ADAM22: variants seen among roughly 807,000 people sequenced by gnomAD.
The protein encoded by ADAM22 is disintegrin and metalloproteinase domain-containing protein 22.
In ADAM22, 65 loss-of-function variants were observed where a neutral mutation model predicts 144.6. That is an observed-to-expected ratio of 0.45 (90% CI 0.37 to 0.55). The LOEUF is 0.55. Ranked by LOEUF, ADAM22 falls within the 20% of genes least tolerant of loss-of-function variation. The pLI is 0.00. For synonymous variants in ADAM22, 391 were observed against 412.6 expected (o/e 0.95, Z 0.63); for missense variants, 974 against 1,184.9 (o/e 0.82, Z 2.61).
chr7:88,027,459 G>T (rs1209164713), intron 3 of ADAM22, among the ~76,000 whole-genome samples: 1 of 152,094 alleles, frequency 6.6e-6, no homozygotes, highest in East Asian at 1.9e-4. Flanking sequence ...GTTCAATCTT[G>T]GTAGGTTGTA....
intron 3 of ADAM22, among the ~76,000 whole-genome samples, chr7:88,040,106 A>C (rs1802734243): frequency 6.6e-6 from 1 of 151,712 alleles, no homozygotes; most frequent in Admixed American, 6.6e-5. Context: ...TTCAGTTATC[A>C]CTTCAAGATC....
At chr7:88,132,311 T>C (rs528851129) in intron 11 of ADAM22, 1 of 152,394 alleles carries the variant, frequency 6.6e-6, no homozygotes, top group African/African-American at 2.4e-5. Flanking sequence ...ATAATACTTT[T>C]ATGTAACCCA....
At chr7:88,039,449 C>CAAAAAAA (rs1216762883) in intron 3 of ADAM22, among the ~76,000 whole-genome samples, 2 of 58,620 alleles carry the variant, frequency 3.4e-5, no homozygotes, top group African/African-American at 5.4e-5. Context: ...GATTCTGTCT[C>CAAAAAAA]AAAAAAAAAA....
intron 3 of ADAM22, among the ~76,000 whole-genome samples, chr7:88,002,142 T>G (rs970085398): frequency 4.6e-5 from 7 of 152,106 alleles, no homozygotes; most frequent in Admixed American, 1.3e-4. Context: ...AAAAAGGAAT[T>G]TATTGACTTG....
chr7:88,178,458 A>G (rs1846224607), intron 26 of ADAM22, among the ~76,000 whole-genome samples: 1 of 152,170 alleles, frequency 6.6e-6, no homozygotes, highest in South Asian at 2.1e-4. Context: ...AAATTCTAGA[A>G]TAGTTTAAAA....
At chr7:87,935,536 A>G (rs1049500909) in intron 2 of ADAM22, among the ~76,000 whole-genome samples, 2 of 152,108 alleles carry the variant, frequency 1.3e-5, no homozygotes, top group Admixed American at 6.5e-5. Flanking sequence ...TTGAATCATC[A>G]TTGTTGTTGT....
At chr7:88,182,392 C>A (rs1166004596) in intron 29 of ADAM22, among the ~76,000 whole-genome samples, 1 of 152,154 alleles carries the variant, frequency 6.6e-6, no homozygotes, top group East Asian at 1.9e-4. Flanking sequence ...ACTCACACAG[C>A]CTTGTAAGCA....
At chr7:87,950,003 C>A (rs992783557) in intron 2 of ADAM22, among the ~76,000 whole-genome samples, 1 of 151,722 alleles carries the variant, frequency 6.6e-6, no homozygotes, top group Admixed American at 6.6e-5. Context: ...AATCTTCATG[C>A]CTCTAAAAGA....
intron 22 of ADAM22, among the ~76,000 whole-genome samples, chr7:88,161,493 C>T: frequency 6.6e-6 from 1 of 152,146 alleles, no homozygotes; most frequent in Non-Finnish European, 1.5e-5. Flanking sequence ...TAAAGTGCTT[C>T]TGCACAGCAA....
At chr7:88,127,614 G>A (rs536251929) in intron 8 of ADAM22, among the ~76,000 whole-genome samples, 10 of 151,356 alleles carry the variant, frequency 6.6e-5, no homozygotes, top group South Asian at 4.2e-4. Context: ...TTTAAGTTTA[G>A]GATTGCAGTT....
intron 3 of ADAM22, among the ~76,000 whole-genome samples, chr7:88,058,708 G>A (rs1167991521): frequency 1.3e-5 from 2 of 152,060 alleles, no homozygotes; most frequent in Non-Finnish European, 2.9e-5. Flanking sequence ...TAGTTGGAAG[G>A]GCCTGTAGTG....
At chr7:88,060,873 G>A (rs551008582) in intron 3 of ADAM22, among the ~76,000 whole-genome samples, 1 of 152,256 alleles carries the variant, frequency 6.6e-6, no homozygotes, top group South Asian at 2.1e-4. Context: ...GGAGGCTGAG[G>A]AGGGCGAATC....
chr7:88,079,875 T>C (rs1464006471), intron 4 of ADAM22, among the ~76,000 whole-genome samples: 1 of 152,140 alleles, frequency 6.6e-6, no homozygotes, highest in Non-Finnish European at 1.5e-5. Flanking sequence ...CAAAGAGACT[T>C]AGACTCCCAC....
intron 3 of ADAM22, among the ~76,000 whole-genome samples, chr7:88,050,348 G>T (rs1443657606): frequency 1.1e-4 from 17 of 150,942 alleles, no homozygotes; most frequent in Admixed American, 1.1e-3. Context: ...AGCCATGATT[G>T]TGCTACTGCA....
At chr7:88,061,839 C>CT (rs60313970) in intron 3 of ADAM22, among the ~76,000 whole-genome samples, 1,434 of 111,968 alleles carry the variant, frequency 0.013, 21 homozygotes, top group East Asian at 0.045. Context: ...CTCTCTCTCT[C>CT]TTTTTTTTTT....
At chr7:88,094,741 A>G (rs1003436454) in intron 4 of ADAM22, among the ~76,000 whole-genome samples, 1 of 152,080 alleles carries the variant, frequency 6.6e-6, no homozygotes, top group African/African-American at 2.4e-5. Flanking sequence ...AGTAAATGCT[A>G]TTTTCTTGAA....
chr7:88,118,831 G>A (rs1473323912), intron 7 of ADAM22, among the ~76,000 whole-genome samples: 1 of 151,860 alleles, frequency 6.6e-6, no homozygotes, highest in East Asian at 1.9e-4. Context: ...TCAGAAGTTG[G>A]CACTGTCAAT....
At chr7:87,988,819 T>TA (rs2129451097) in intron 3 of ADAM22, among the ~76,000 whole-genome samples, 1 of 152,320 alleles carries the variant, frequency 6.6e-6, no homozygotes, top group Non-Finnish European at 1.5e-5. Context: ...CACATATCCC[T>TA]AACCCTCTCT....
At chr7:88,189,781 TA>T (rs986089848) in intron 30 of ADAM22, among the ~76,000 whole-genome samples, 4 of 151,812 alleles carry the variant, frequency 2.6e-5, no homozygotes, top group Non-Finnish European at 5.9e-5. Flanking sequence ...CCATCTCTAC[TA>T]AAAATACAAA....
Sources: gnomAD v4.1 joint callset for allele counts (sites outside exome capture counted in the v4.1 genomes callset) on GRCh38, gnomAD v4.1.1 for gene constraint, MANE v1.5 for transcripts, NCBI Gene and HGNC (gene_info 2026-07-23, HGNC 2026-07-21) for gene names.